The following CENPE variants were observed in gnomAD, a reference collection of about 807,000 sequenced individuals.
CENPE encodes the protein centromere-associated protein E.
Under a neutral mutation model 336.1 loss-of-function variants are expected in CENPE, and 145 were observed. The observed-to-expected ratio is 0.43, with a 90% CI of 0.38 to 0.50. CENPE has a LOEUF of 0.50. CENPE is among the 20% of genes least tolerant of loss of function. The pLI is 0.00. For missense variants in CENPE, 2,719 were observed against 3,023.3 expected (o/e 0.90, Z 2.36); for synonymous variants, 1,013 against 984.8 (o/e 1.03, Z -0.54).
chr4:103,190,502 A>C (rs1757210886), intron 8 of CENPE, among the ~76,000 whole-genome samples: 1 of 152,224 alleles, frequency 6.6e-6, no homozygotes, highest in Admixed American at 6.5e-5. Context: ...ATCTACAACT[A>C]TCTGATCTTT....
intron 11 of CENPE, 68 bp downstream of exon 11, chr4:103,182,694 A>G: frequency 1.5e-6 from 2 of 1,297,988 alleles, no homozygotes; most frequent in Middle Eastern, 3.9e-4. Flanking sequence ...GCTTAATTTT[A>G]GTAGGTAATG....
At chr4:103,111,169 C>T (rs1000487191) in intron 46 of CENPE, among the ~76,000 whole-genome samples, 158 bp from the exon 47 acceptor site, 10 of 152,192 alleles carry the variant, frequency 6.6e-5, no homozygotes, top group Admixed American at 5.9e-4. Context: ...TTCTACCTTA[C>T]TCCCTCTGCT....
chr4:103,123,215 A>C, intron 42 of CENPE, 126 bp from the exon 43 acceptor site: 1 of 678,362 alleles, frequency 1.5e-6, no homozygotes, highest in Non-Finnish European at 2.5e-6. Flanking sequence ...ATTAAATGGG[A>C]AATTCCAGAA....
chr4:103,142,257 A>G (rs1216859765), intron 34 of CENPE, among the ~76,000 whole-genome samples: 1 of 152,214 alleles, frequency 6.6e-6, no homozygotes, highest in East Asian at 1.9e-4. Context: ...TTGTGTTTGT[A>G]TATACACACA....
chr4:103,173,045 T>C (rs187530597), intron 16 of CENPE, among the ~76,000 whole-genome samples: 37 of 152,154 alleles, frequency 2.4e-4, no homozygotes, highest in Non-Finnish European at 4.9e-4. Context: ...AGACCCTGTA[T>C]AGCCAAAGCA....
chr4:103,184,423 A>G (rs1209465391), intron 9 of CENPE, among the ~76,000 whole-genome samples: 3 of 152,148 alleles, frequency 2.0e-5, no homozygotes, highest in Non-Finnish European at 4.4e-5. Context: ...AGGCATCTGG[A>G]CTTTGTATCA....
At chr4:103,109,215 TCACA>T in intron 47 of CENPE, 126 bp from the exon 48 acceptor site, 2 of 791,642 alleles carry the variant, frequency 2.5e-6, no homozygotes, top group Non-Finnish European at 3.7e-6. Flanking sequence ...GTACATTTTA[TCACA>T]TTTACATTTT....
chr4:103,183,545 G>GA (rs997106140), intron 9 of CENPE, among the ~76,000 whole-genome samples: 26 of 151,672 alleles, frequency 1.7e-4, no homozygotes, highest in African/African-American at 4.3e-4. Flanking sequence ...AGAATGCAGG[G>GA]AAAAAAAACC....
At chr4:103,107,630 C>T (rs542291624) in intron 48 of CENPE, among the ~76,000 whole-genome samples, 2 of 152,332 alleles carry the variant, frequency 1.3e-5, no homozygotes, top group South Asian at 4.1e-4. Flanking sequence ...CCCCCCACTT[C>T]TGTGGACAAC....
intron 31 of CENPE, 31 bp from the exon 32 acceptor site, chr4:103,145,365 T>C (rs777297227): frequency 1.4e-6 from 2 of 1,428,194 alleles, no homozygotes; most frequent in Non-Finnish European, 1.9e-6. Flanking sequence ...AAGTTAATAG[T>C]CATAAAAATA....
At chr4:103,106,925 T>C (rs1748949908) in intron 48 of CENPE, among the ~76,000 whole-genome samples, 1 of 152,208 alleles carries the variant, frequency 6.6e-6, no homozygotes, top group Non-Finnish European at 1.5e-5. Context: ...TAATTCTGAA[T>C]TGGTCAGTTT....
At chr4:103,150,585 A>G (rs1423897312) in intron 26 of CENPE, among the ~76,000 whole-genome samples, 1 of 148,352 alleles carries the variant, frequency 6.7e-6, no homozygotes, top group African/African-American at 2.5e-5. Flanking sequence ...ACCCTGTCTC[A>G]AAAAAAAAAG....
intron 24 of CENPE, among the ~76,000 whole-genome samples, chr4:103,155,844 A>T (rs966160337): frequency 6.6e-6 from 1 of 152,220 alleles, no homozygotes; most frequent in Non-Finnish European, 1.5e-5. Flanking sequence ...ATTTATATCA[A>T]TTGGATCTTA....
In CENPE at chr4:103,159,063, G is replaced by A; in HGVS notation, c.2548C>T (p.Leu850Phe). The stretch of plus-strand genomic sequence containing the variant: ...TCAAATTTTTGGGCTTCTTTAGAGA[G>A]ATTAACTATTTCCTGATTCATTCTC... Reference protein sequence around the residue: ...NERMNQEIVNLSKEAQKFDSS... With the variant: ...NERMNQEIVNFSKEAQKFDSS... Residue 850 changes from leucine to phenylalanine, a missense_variant, in exon 22 of 49, where the codon CTC (leucine) becomes TTC (phenylalanine). This residue lies in a region of CENPE where 2,437 missense variants were observed against 2,513.3 expected (regional missense o/e 0.97). Coordinates refer to ENST00000265148, the MANE Select transcript of CENPE (RefSeq NM_001813.3). The A allele has an allele frequency of 6.4e-7, 1 of 1,554,064 alleles. No individual in the cohort carries two copies. The highest frequency in any genetic ancestry group is 1.3e-5 in the South Asian group (1 of 78,510).
intron 8 of CENPE, among the ~76,000 whole-genome samples, chr4:103,187,096 G>T (rs564963042): frequency 4.6e-5 from 7 of 152,282 alleles, no homozygotes; most frequent in South Asian, 2.1e-4. Flanking sequence ...AGGGCTTTAT[G>T]CAAGGGAGTA....
At chr4:103,167,862 C>T (rs1755055388) in intron 16 of CENPE, among the ~76,000 whole-genome samples, 1 of 152,208 alleles carries the variant, frequency 6.6e-6, no homozygotes. Flanking sequence ...AGAAATCACA[C>T]ACTCTAGGGT....
chr4:103,116,416 C>G, intron 45 of CENPE, 161 bp downstream of exon 45: 1 of 446,438 alleles, frequency 2.2e-6, no homozygotes, highest in Non-Finnish European at 4.0e-6. Context: ...TGTAATGAGA[C>G]CAGTATATTT....
chr4:103,158,348 C>A lies in CENPE; in HGVS notation c.2985G>T (p.Leu995Phe). 1 of 1,609,548 alleles carries A rather than the reference C, an allele frequency of 6.2e-7. No homozygotes were observed. The highest frequency in any genetic ancestry group is 8.5e-7 in the Non-Finnish European group (1 of 1,178,148). Residue 995 changes from leucine to phenylalanine, a missense_variant, in exon 24 of 49, where the codon TTG becomes TTT. By Grantham distance (22) the Leu-to-Phe change is conservative. This residue lies in a region of CENPE where 2,437 missense variants were observed against 2,513.3 expected (regional missense o/e 0.97). Transcript: ENST00000265148. Reference sequence around the variant, plus strand: ...TTTCTCCTGTATTTTCCTCCATATGCAAATTCCTGGAAACTTCCTCAGAAA... The same window carrying A: ...TTTCTCCTGTATTTTCCTCCATATGAAAATTCCTGGAAACTTCCTCAGAAA... The part of the protein sequence containing the change: ...SKISEEVSRN[L>F]HMEENTGETK...
chr4:103,196,932 A>G, intron 1 of CENPE, 82 bp from the exon 2 acceptor site: 1 of 717,046 alleles, frequency 1.4e-6, no homozygotes, highest in Non-Finnish European at 2.5e-6. Flanking sequence ...TTCACCTGCT[A>G]AAGAATATTT....
Sources: allele counts gnomAD v4.1 joint callset (sites outside exome capture counted in the v4.1 genomes callset), GRCh38; gene constraint gnomAD v4.1.1; regional missense constraint gnomAD v4.1.1; transcripts MANE v1.5; gene names NCBI Gene and HGNC (gene_info 2026-07-23, HGNC 2026-07-21).